SPAG16: variants seen among roughly 807,000 people sequenced by gnomAD.
SPAG16 encodes the protein sperm associated antigen 16, also known as sperm-associated antigen 16 protein.
A neutral mutation model predicts 80.4 loss-of-function variants in SPAG16; 86 were observed. That is an observed-to-expected ratio of 1.07 (90% CI 0.90 to 1.28). The LOEUF (loss-of-function observed/expected upper bound fraction) is 1.28, where lower values mean the gene tolerates loss of function less well. SPAG16 is among the 50% of genes most tolerant of loss of function. The probability of loss-of-function intolerance (pLI) is 0.00; values close to 1 mark genes in which losing one functional copy is unlikely to be tolerated. For missense variants in SPAG16, 870 were observed against 765.3 expected (o/e 1.14, Z -1.61); for synonymous variants, 294 against 265.9 (o/e 1.11, Z -1.03).
intron 13 of SPAG16, among the ~76,000 whole-genome samples, chr2:214,041,249 G>A (rs1009067017): frequency 1.3e-5 from 2 of 151,468 alleles, no homozygotes; most frequent in Admixed American, 6.6e-5. Flanking sequence ...ACCTCAAAGT[G>A]TTTGTTCATT....
At chr2:213,981,520 G>C (rs767893880) in intron 12 of SPAG16, among the ~76,000 whole-genome samples, 9 of 151,892 alleles carry the variant, frequency 5.9e-5, no homozygotes, top group Admixed American at 3.9e-4. Flanking sequence ...TTAGAAATAT[G>C]TATTTCCTGA....
At chr2:214,156,210 T>G (rs2056208148) in intron 15 of SPAG16, among the ~76,000 whole-genome samples, 1 of 152,164 alleles carries the variant, frequency 6.6e-6, no homozygotes. Context: ...AGGTTTCTGA[T>G]AGGTCTTATG....
rs71060428 is a variant in SPAG16, at chr2:213,387,431, C to CTTTTTTTTTTTTTTT, written c.942+12327_942+12341dup. ...TTTGGGTTGGAATGAAATGCATGCTCTTTTTTTTTTTTTTTTTTTTTTTTT... is the reference window on the plus strand; with the variant it reads ...TTTGGGTTGGAATGAAATGCATGCTCTTTTTTTTTTTTTTTTTTTTTTTTTTTTTTTTTTTTTTTT... On this transcript the variant is annotated intron_variant, in intron 9 of 15. Coordinates refer to ENST00000331683, the MANE Select transcript of SPAG16 (RefSeq NM_024532.5). Among the ~76,000 whole-genome samples, 23 of 47,916 alleles carry CTTTTTTTTTTTTTTT rather than the reference C, an allele frequency of 4.8e-4. 6 individuals are homozygous for CTTTTTTTTTTTTTTT. Among genetic ancestry groups the CTTTTTTTTTTTTTTT allele is most frequent in the African/African-American group, 1.5e-3 (13 of 8,772 alleles). 31.4% of individuals were successfully genotyped at this position (47,916 alleles called of 152,430 possible). A position where few individuals can be genotyped will look rare whatever the true frequency, so the allele number is the denominator to read the frequency against.
chr2:213,927,938 T>C (rs1006134296), intron 11 of SPAG16, among the ~76,000 whole-genome samples: 1 of 152,216 alleles, frequency 6.6e-6, no homozygotes, highest in Non-Finnish European at 1.5e-5. Flanking sequence ...TATTGTTCAA[T>C]CTTTAATATT....
intron 10 of SPAG16, among the ~76,000 whole-genome samples, chr2:213,491,637 G>A (rs1288703172): frequency 6.6e-6 from 1 of 152,168 alleles, no homozygotes; most frequent in Non-Finnish European, 1.5e-5. Context: ...CAGCTTGTGT[G>A]TTTTGTGGAG....
At chr2:214,355,015 G>T (rs1313186452) in intron 15 of SPAG16, among the ~76,000 whole-genome samples, 4 of 151,916 alleles carry the variant, frequency 2.6e-5, no homozygotes, top group African/African-American at 4.8e-5. Flanking sequence ...TAATTGCCCT[G>T]GCCAGAACTT....
At chr2:213,922,247 G>A (rs1020466972) in intron 11 of SPAG16, among the ~76,000 whole-genome samples, 2 of 138,534 alleles carry the variant, frequency 1.4e-5, no homozygotes, top group Admixed American at 1.5e-4. Flanking sequence ...CTTTATTTTT[G>A]TCTGACTGAG....
At chr2:213,546,421 G>A (rs2076613506) in intron 10 of SPAG16, among the ~76,000 whole-genome samples, 1 of 152,000 alleles carries the variant, frequency 6.6e-6, no homozygotes, top group Non-Finnish European at 1.5e-5. Context: ...TTTCTACAAT[G>A]CATTTATTTA....
intron 13 of SPAG16, among the ~76,000 whole-genome samples, chr2:214,028,437 T>C (rs1325582606): frequency 6.6e-6 from 1 of 152,100 alleles, no homozygotes; most frequent in Non-Finnish European, 1.5e-5. Flanking sequence ...AATTCTCAAC[T>C]GAATAGAATT....
chr2:213,334,507 C>T (rs1326791531), intron 5 of SPAG16, among the ~76,000 whole-genome samples: 1 of 152,116 alleles, frequency 6.6e-6, no homozygotes, highest in Non-Finnish European at 1.5e-5. Context: ...TCTGCACTCC[C>T]ATGTTTGTTG....
intron 15 of SPAG16, among the ~76,000 whole-genome samples, chr2:214,409,884 G>T (rs1014186070): frequency 6.6e-6 from 1 of 152,184 alleles, no homozygotes; most frequent in Non-Finnish European, 1.5e-5. Flanking sequence ...GATGTTTGAT[G>T]AAATCTGCAT....
chr2:213,634,528 C>T (rs2062284312), intron 10 of SPAG16, among the ~76,000 whole-genome samples: 1 of 152,096 alleles, frequency 6.6e-6, no homozygotes, highest in Non-Finnish European at 1.5e-5. Flanking sequence ...TTCATACATT[C>T]ATGTGATTAT....
chr2:213,676,383 C>A (rs1222276640), intron 10 of SPAG16, among the ~76,000 whole-genome samples: 11 of 150,784 alleles, frequency 7.3e-5, no homozygotes, highest in Non-Finnish European at 1.5e-4. Context: ...TTTCCTTCTC[C>A]TGCCTAATTG....
intron 10 of SPAG16, among the ~76,000 whole-genome samples, chr2:213,558,453 C>T (rs1252310121): frequency 6.9e-6 from 1 of 145,600 alleles, no homozygotes; most frequent in Non-Finnish European, 1.5e-5. Flanking sequence ...ATTGATTTAG[C>T]CTTATTTATT....
intron 15 of SPAG16, among the ~76,000 whole-genome samples, chr2:214,346,114 AAC>A (rs769142103): frequency 1.3e-4 from 20 of 152,170 alleles, no homozygotes; most frequent in Non-Finnish European, 2.8e-4. Flanking sequence ...ATTGATGCCA[AAC>A]AGTTATCCAA....
chr2:214,355,178 C>A (rs1166650367), intron 15 of SPAG16, among the ~76,000 whole-genome samples: 5 of 149,390 alleles, frequency 3.3e-5, no homozygotes, highest in South Asian at 2.2e-4. Context: ...AATGGGATCT[C>A]ATTAAACTAA....
At chr2:213,840,325 A>G (rs1222028224) in intron 10 of SPAG16, among the ~76,000 whole-genome samples, 1 of 152,176 alleles carries the variant, frequency 6.6e-6, no homozygotes, top group Non-Finnish European at 1.5e-5. Flanking sequence ...AGTTAGCTGG[A>G]TAAGAGGCTT....
At chr2:214,032,459 A>G (rs2048462364) in intron 13 of SPAG16, among the ~76,000 whole-genome samples, 1 of 152,246 alleles carries the variant, frequency 6.6e-6, no homozygotes, top group Non-Finnish European at 1.5e-5. Flanking sequence ...TGCAGAATGC[A>G]TAATAGGAAG....
At chr2:214,031,453 G>A (rs2048406901) in intron 13 of SPAG16, among the ~76,000 whole-genome samples, 1 of 86,492 alleles carries the variant, frequency 1.2e-5, no homozygotes, top group Non-Finnish European at 2.3e-5. Context: ...TGGGGGGAGG[G>A]GGGAGGGGGG....
Sources: allele counts gnomAD v4.1 joint callset (sites outside exome capture counted in the v4.1 genomes callset), GRCh38; gene constraint gnomAD v4.1.1; transcripts MANE v1.5; gene names NCBI Gene and HGNC (gene_info 2026-07-23, HGNC 2026-07-21).